Variants in CARS2 observed in about 807,000 individuals in gnomAD.
The protein encoded by CARS2 is probable cysteine--tRNA ligase, mitochondrial.
In CARS2, 52 loss-of-function variants were observed where a neutral mutation model predicts 68.8. That is an observed-to-expected ratio of 0.76 (90% CI 0.61 to 0.95). CARS2 has a LOEUF of 0.95. Ranked by LOEUF, CARS2 falls within the 40% of genes least tolerant of loss-of-function variation. CARS2 has a pLI of 0.00. For missense variants in CARS2, 780 were observed against 754.2 expected (o/e 1.03, Z -0.40); for synonymous variants, 314 against 303.6 (o/e 1.03, Z -0.36).
Position 110,667,804 on chromosome 13 carries a change from C to T in CARS2, c.786-331G>A, listed in dbSNP as rs1159943041. Among the ~76,000 whole-genome samples the T allele has an allele frequency of 2.0e-5, 3 of 152,094 alleles. No homozygotes were observed. In the East Asian group the frequency reaches 5.8e-4, roughly 29 times the overall value. Reference sequence around the variant, plus strand: ...GAGTTTAGTGGTTTTCCAATTTTAACAAGAGATGGAACTATAAAATCATGA... The same window carrying T: ...GAGTTTAGTGGTTTTCCAATTTTAATAAGAGATGGAACTATAAAATCATGA... On this transcript the variant is annotated intron_variant, in intron 7 of 14. Transcript: ENST00000257347.
In CARS2 at chr13:110,701,561, A is replaced by C; in HGVS notation, c.276-6T>G. The C allele has an allele frequency of 7.8e-7, 1 of 1,288,256 alleles. No individual in the cohort carries two copies. Among genetic ancestry groups the C allele is most frequent in the South Asian group, 1.2e-5 (1 of 83,864 alleles). The allele number at this position is 1,288,256 out of a possible 1,614,324, so 79.8% of individuals were successfully genotyped here. A position where few individuals can be genotyped will look rare whatever the true frequency, so the allele number is the denominator to read the frequency against. Reference sequence around the variant, plus strand: ...TATCAAATCTAACATATGAGCTGAAAGAAAAAAAGTGTCAGGATGTCTTTA... The same window carrying C: ...TATCAAATCTAACATATGAGCTGAACGAAAAAAAGTGTCAGGATGTCTTTA... On this transcript the variant is annotated splice_polypyrimidine_tract_variant and splice_region_variant and intron_variant, in intron 2 of 14. Transcript: ENST00000257347.
intron 7 of CARS2, among the ~76,000 whole-genome samples, chr13:110,673,482 T>A (rs1051072975): frequency 2.0e-5 from 3 of 152,212 alleles, no homozygotes; most frequent in Non-Finnish European, 4.4e-5. Flanking sequence ...TCTCAATAGA[T>A]GCAGAAAAGG....
In CARS2 at chr13:110,641,629, C is replaced by G. The variant is rs749123291; in HGVS notation, c.1624-21G>C. 4.4e-6 allele frequency: 7 copies of G among 1,599,380 alleles called. 1 individual carries two copies. In the South Asian group the frequency reaches 7.7e-5, roughly 18 times the overall value. On this transcript the variant is annotated intron_variant, in intron 14 of 14. Transcript: ENST00000257347. ...CTGTCCTGGAGAAGAAGAGTGAGGT[C>G]CAACTCTGAGCAGACACCACGTCAT...
chr13:110,670,720 G>A lies in CARS2; in HGVS notation c.786-3247C>T, dbSNP rs1488673271. Among the ~76,000 whole-genome samples, 1 of 152,224 alleles carries A rather than the reference G, an allele frequency of 6.6e-6. No homozygotes were observed. The highest frequency in any genetic ancestry group is 1.5e-5 in the Non-Finnish European group (1 of 68,030). ...GCTGGACAGAGAATGACTTTGATGA[G>A]TTGAGAGAAGAAGGCTTCAGACGAT... On this transcript the variant is annotated intron_variant, in intron 7 of 14. Coordinates refer to ENST00000257347, the MANE Select transcript of CARS2 (RefSeq NM_024537.4). This position sits in a 1 kb window ranked among gnomAD's most constrained non-coding sequence, Gnocchi z 4.1.
At position 110,705,929 on chromosome 13, in the gene CARS2, G is replaced by T; in HGVS notation, c.165C>A (p.Tyr55Ter). 6.4e-7 allele frequency: 1 copy of T among 1,573,392 alleles called. No individual in the cohort carries two copies. The highest frequency in any genetic ancestry group is 8.6e-7 in the Non-Finnish European group (1 of 1,162,264). Reference sequence around the variant, plus strand: ...GTTCCTTCCTCCCGGTGAGGCTGTTGTACACCTGCACACCCGTCTCCCGGC... The same window carrying T: ...GTTCCTTCCTCCCGGTGAGGCTGTTTTACACCTGCACACCCGTCTCCCGGC... ...PTGRETGVQVYNSLTGRKEPL... is the reference protein window; with the variant it reads ...PTGRETGVQV The change falls in exon 1 of 15, where the codon TAC (tyrosine) becomes TAA (stop). Residue 55 changes from tyrosine (Y) to a stop codon, truncating the protein, a stop_gained. Transcript: ENST00000257347. LOFTEE classifies it high-confidence loss of function. This position sits in a 1 kb window ranked among gnomAD's most constrained non-coding sequence, Gnocchi z 4.0.
intron 9 of CARS2, among the ~76,000 whole-genome samples, chr13:110,658,204 A>AT (rs1039999579): frequency 1.3e-5 from 2 of 152,240 alleles, no homozygotes; most frequent in African/African-American, 4.8e-5. Flanking sequence ...AAGGAAGGAA[A>AT]TTTTGACATG....
At chr13:110,692,190 C>T (rs1455439862) in intron 3 of CARS2, among the ~76,000 whole-genome samples, 2 of 151,426 alleles carry the variant, frequency 1.3e-5, no homozygotes, top group Admixed American at 6.6e-5. Context: ...TATTTGGTGG[C>T]CGGGCGCAGT....
rs541001726 is a variant in CARS2, at chr13:110,704,839, CATTAT to C, written c.275+677_275+681del. 1.7e-3 allele frequency among the ~76,000 whole-genome samples: 259 copies of C among 152,066 alleles called. 2 individuals are homozygous for C. Among genetic ancestry groups the C allele is most frequent in the African/African-American group, 5.9e-3 (244 of 41,484 alleles). ...AAATCTATAATATGTCATTTTTGTACATTATATTTTGGAAATGTACAAAATATTAG... is the reference window on the plus strand; with the variant it reads ...AAATCTATAATATGTCATTTTTGTACATTTTGGAAATGTACAAAATATTAG... On this transcript the variant is annotated intron_variant, in intron 2 of 14. Transcript: ENST00000257347.
intron 10 of CARS2, among the ~76,000 whole-genome samples, chr13:110,649,931 C>CTTTTTTTTTTTTTTTTTTTTTTTTTTT (rs59276783): frequency 2.7e-5 from 2 of 73,146 alleles, no homozygotes; most frequent in Admixed American, 2.9e-4. Context: ...TGGATAACGA[C>CTTTTTTTTTTTTTTTTTTTTTTTTTTT]TTTTTTTTTT....
intron 13 of CARS2, chr13:110,644,041 G>C: frequency 1.6e-6 from 2 of 1,215,940 alleles, no homozygotes; most frequent in Non-Finnish European, 2.1e-6. Context: ...CCCTCAAATG[G>C]GTCAGGAAAA....
intron 2 of CARS2, among the ~76,000 whole-genome samples, chr13:110,704,846 T>C (rs2063894821): frequency 2.6e-5 from 4 of 152,196 alleles, no homozygotes; most frequent in African/African-American, 9.7e-5. Flanking sequence ...GTACATTATA[T>C]TTTGGAAATG....
At chr13:110,659,984 T>C (rs749311257) in intron 9 of CARS2, among the ~76,000 whole-genome samples, 1 of 152,248 alleles carries the variant, frequency 6.6e-6, no homozygotes, top group East Asian at 1.9e-4. Context: ...TCTTTCAAAA[T>C]TGGAGCCAAT....
chr13:110,692,886 C>T (rs548505695), intron 3 of CARS2, among the ~76,000 whole-genome samples: 37 of 151,890 alleles, frequency 2.4e-4, no homozygotes, highest in Admixed American at 5.2e-4. Context: ...ACAAGGTGGG[C>T]AGATCATGAG....
At chr13:110,687,866 G>A (rs2063348259) in intron 4 of CARS2, 40 bp from the exon 5 acceptor site, 3 of 1,566,928 alleles carry the variant, frequency 1.9e-6, no homozygotes, top group Non-Finnish European at 2.6e-6. Flanking sequence ...TCCCTCGTGA[G>A]AAGCACAGGT....
In CARS2 at chr13:110,644,426, G is replaced by C; in HGVS notation, c.1375C>G (p.Gln459Glu). ...VFGAIISYFEQFFETVGISLA... is the reference protein window; with the variant it reads ...VFGAIISYFEEFFETVGISLA... ...GAAATTCCAACAGTTTCAAAAAACTGTTCAAAGTAAGAGATGATGGCACCA... is the reference window on the plus strand; with the variant it reads ...GAAATTCCAACAGTTTCAAAAAACTCTTCAAAGTAAGAGATGATGGCACCA... Residue 459 changes from glutamine (Q) to glutamate (E), a missense_variant, in exon 13 of 15, where the codon CAG becomes GAG. Transcript: ENST00000257347. 6.2e-7 allele frequency: 1 copy of C among 1,614,084 alleles called. No individual in the cohort carries two copies. Among genetic ancestry groups the C allele is most frequent in the South Asian group, 1.1e-5 (1 of 91,076 alleles).
chr13:110,664,043 TC>T (rs987871132), intron 8 of CARS2: 96 of 985,248 alleles, frequency 9.7e-5, no homozygotes, highest in Non-Finnish European at 1.1e-4. Flanking sequence ...TATTATTTCA[TC>T]CCCTATGTAT....
At position 110,705,827 on chromosome 13, in the gene CARS2, C is replaced by T. The variant is rs374137047; in HGVS notation, c.224+43G>A. The T allele has an allele frequency of 7.4e-5, 113 of 1,526,694 alleles. 1 individual carries two copies. In the African/African-American group the frequency reaches 1.3e-3, roughly 17 times the overall value. The allele number at this position is 1,526,694 out of a possible 1,614,324, so 94.6% of individuals were successfully genotyped here. Reference sequence around the variant, plus strand: ...CCCGTTCAGCCGTGGGAAGTCTCCGCCACGATCGGCCCCCGCCCGTGCCCC... The same window carrying T: ...CCCGTTCAGCCGTGGGAAGTCTCCGTCACGATCGGCCCCCGCCCGTGCCCC... On this transcript the variant is annotated intron_variant, in intron 1 of 14. Coordinates refer to ENST00000257347, the MANE Select transcript of CARS2 (RefSeq NM_024537.4). The surrounding 1 kb of genome is among the most constrained non-coding windows in gnomAD (Gnocchi z 4.0).
chr13:110,656,456 C>T (rs111780991), intron 9 of CARS2, among the ~76,000 whole-genome samples: 2,569 of 152,098 alleles, frequency 0.017, 28 homozygotes, highest in Middle Eastern at 0.054. Flanking sequence ...GTGCAGTCCA[C>T]GAGAAAAAGA....
Position 110,665,058 on chromosome 13 carries a change from C to T in CARS2, c.920-1540G>A, listed in dbSNP as rs79085833. On this transcript the variant is annotated intron_variant, in intron 8 of 14. Coordinates refer to ENST00000257347, the MANE Select transcript of CARS2 (RefSeq NM_024537.4). The surrounding 1 kb of genome is among the most constrained non-coding windows in gnomAD (Gnocchi z 4.3). ...AGGAGAACAGGTGTCACTTCTCCTGCGTCAGGAGACACTGATGTTTTGTTT... is the reference window on the plus strand; with the variant it reads ...AGGAGAACAGGTGTCACTTCTCCTGTGTCAGGAGACACTGATGTTTTGTTT... The T allele has an allele frequency of 2.0e-3, 1,966 of 985,346 alleles. 28 individuals are homozygous for T. The African/African-American group carries it at 0.03, about 15-fold the overall frequency. 61.0% of individuals were successfully genotyped at this position (985,346 alleles called of 1,614,324 possible).
Sources: gnomAD v4.1 joint callset for allele counts (sites outside exome capture counted in the v4.1 genomes callset) on GRCh38, gnomAD v4.1.1 for gene constraint, Gnocchi (gnomAD v3.1) non-coding constraint, MANE v1.5 for transcripts, NCBI Gene and HGNC (gene_info 2026-07-23, HGNC 2026-07-21) for gene names.